The following TIE1 variants were observed in gnomAD, a reference collection of about 807,000 sequenced individuals.
TIE1 encodes the protein tyrosine kinase with immunoglobulin like and EGF like domains 1.
TIE1 carries 89 observed loss-of-function variants against 130.5 expected under a neutral mutation model. The ratio of observed to expected loss-of-function variants is 0.68; its 90% CI spans 0.57 to 0.81. The LOEUF is 0.81. Among genes scored for constraint, TIE1 ranks in the 40% least tolerant of loss-of-function variants. TIE1 has a pLI of 0.00. For synonymous variants in TIE1, 568 were observed against 629.4 expected (o/e 0.90, Z 1.46); for missense variants, 1,392 against 1,559.8 (o/e 0.89, Z 1.81).
rs1164351050 is a variant in TIE1, at chr1:43,307,162, G to GGGCCAGGCTGTACCAAGGAGT, written c.663_683dup (p.Glu227_Cys228insTrpProGlyCysThrLysGlu). The GGGCCAGGCTGTACCAAGGAGT allele has an allele frequency of 3.1e-6, 5 of 1,613,994 alleles. No homozygotes were observed. In the African/African-American group the frequency reaches 4.0e-5, roughly 13 times the overall value. On this transcript the variant is annotated inframe_insertion, in exon 5 of 23. Transcript: ENST00000372476. The surrounding 1 kb of genome is among the most constrained non-coding windows in gnomAD (Gnocchi z 5.4). The stretch of plus-strand genomic sequence containing the variant: ...TCCAGGTTGTGGGGCTGGGCGCTGG[G>GGGCCAGGCTGTACCAAGGAGT]GGCCAGGCTGTACCAAGGAGTGCCC...
chr1:43,317,225 C>G lies in TIE1; in HGVS notation c.2436C>G (p.Ser812Arg), dbSNP rs745572185. Residue 812 changes from serine (S) to arginine (R), a missense_variant, in exon 15 of 23, where the codon AGC becomes AGG. By Grantham distance (110) the Ser-to-Arg change is moderately radical (BLOSUM62 -1). Coordinates refer to ENST00000372476, the MANE Select transcript of TIE1 (RefSeq NM_005424.5). The surrounding 1 kb of genome is among the most constrained non-coding windows in gnomAD (Gnocchi z 5.1). ...GSGEETILQFSSGTLTLTRRP... is the reference protein window; with the variant it reads ...GSGEETILQFRSGTLTLTRRP... Reference sequence around the variant, plus strand: ...GCGAGGAGACCATCCTGCAGTTCAGCTCAGGGACCTTGACACTTACCCGGC... The same window carrying G: ...GCGAGGAGACCATCCTGCAGTTCAGGTCAGGGACCTTGACACTTACCCGGC... The G allele has an allele frequency of 1.2e-5, 20 of 1,614,032 alleles. No homozygotes were observed. Among genetic ancestry groups the G allele is most frequent in the Admixed American group, 3.3e-5 (2 of 60,006 alleles).
Position 43,312,434 on chromosome 1 carries a change from G to A in TIE1, c.1760G>A (p.Gly587Glu), listed in dbSNP as rs1490777491. ...GGTTTCCTGCTGCGCCTGTGGGACG[G>A]GACACGGGGGCAGGAGCGGCGGGAG... The part of the protein sequence containing the change: ...GDGFLLRLWD[G>E]TRGQERRENV... The change falls in exon 12 of 23, where the codon GGG becomes GAG. Residue 587 changes from glycine to glutamate, a missense_variant. Around this residue, in one of 6 missense-constraint regions of TIE1, gnomAD observed 551 missense variants for 565.5 expected, o/e 0.97. Coordinates refer to ENST00000372476, the MANE Select transcript of TIE1 (RefSeq NM_005424.5). The surrounding 1 kb of genome is among the most constrained non-coding windows in gnomAD (Gnocchi z 5.6). 2 of 1,611,742 alleles carry A rather than the reference G, an allele frequency of 1.2e-6. No homozygotes were observed. The highest frequency in any genetic ancestry group is 1.7e-6 in the Non-Finnish European group (2 of 1,179,562).
intron 19 of TIE1, chr1:43,320,669 A>AG (rs1646906247): frequency 6.6e-6 from 1 of 152,116 alleles, no homozygotes; most frequent in South Asian, 2.1e-4. Flanking sequence ...TGGCTGACAC[A>AG]GTGAAACCCC....
Position 43,317,247 on chromosome 1 carries a change from C to A in TIE1, c.2458C>A (p.Arg820=), listed in dbSNP as rs552143002. The change falls in exon 15 of 23, where the codon CGG becomes AGG. Residue 820 remains arginine (R), a synonymous_variant. Transcript: ENST00000372476. The surrounding 1 kb of genome is among the most constrained non-coding windows in gnomAD (Gnocchi z 5.1). ...CAGCTCAGGGACCTTGACACTTACC[C>A]GGCGGCCAAAACTGCAGCCCGAGCC... ...QFSSGTLTLT[R]RPKLQPEPLS... The A allele has an allele frequency of 1.9e-6, 3 of 1,614,144 alleles. No individual in the cohort carries two copies. The highest frequency in any genetic ancestry group is 2.7e-5 in the African/African-American group (2 of 75,020).
rs1646928807 is a variant in TIE1 at position 43,322,387 on chromosome 1, C to T, written c.3346-264C>T. On this transcript the variant is annotated intron_variant, in intron 22 of 22. Transcript: ENST00000372476. This position sits in a 1 kb window ranked among gnomAD's most constrained non-coding sequence, Gnocchi z 4.0. ...AGATAAGTTACTGAATGAATGAACGCATAAGCCAAGAATTCATTGAAAGAG... is the reference window on the plus strand; with the variant it reads ...AGATAAGTTACTGAATGAATGAACGTATAAGCCAAGAATTCATTGAAAGAG... Among the ~76,000 whole-genome samples, 1 of 152,208 alleles carries T rather than the reference C, an allele frequency of 6.6e-6. No homozygotes were observed. Among genetic ancestry groups the T allele is most frequent in the Admixed American group, 6.5e-5 (1 of 15,288 alleles).
Position 43,313,186 on chromosome 1 carries a change from T to A in TIE1, c.1979T>A (p.Ile660Asn). ...GCCCAGGCCCTCTCAGACTCCGAGA[T>A]CCAGCTGACATGGAAGCACCCGGAG... ...LHAQALSDSE[I>N]QLTWKHPEAL... Residue 660 changes from isoleucine to asparagine, a missense_variant, in exon 13 of 23, where the codon ATC becomes AAC. Physicochemically the swap from Ile to Asn is moderately radical, Grantham distance 149. Coordinates refer to ENST00000372476, the MANE Select transcript of TIE1 (RefSeq NM_005424.5). This position sits in a 1 kb window ranked among gnomAD's most constrained non-coding sequence, Gnocchi z 6.2. 6.2e-7 allele frequency: 1 copy of A among 1,613,478 alleles called. No individual in the cohort carries two copies. Among genetic ancestry groups the A allele is most frequent in the South Asian group, 1.1e-5 (1 of 91,044 alleles).
intron 14 of TIE1, 192 bp downstream of exon 14, chr1:43,314,160 G>C (rs1219394808): frequency 1.1e-5 from 9 of 786,588 alleles, no homozygotes; most frequent in Non-Finnish European, 1.6e-5. Flanking sequence ...ACTGAATTCA[G>C]CTCATGAGCC....
Position 43,312,853 on chromosome 1 carries a change from A to T in TIE1, c.1927+252A>T, listed in dbSNP as rs773465911. 6.6e-6 allele frequency among the ~76,000 whole-genome samples: 1 copy of T among 152,012 alleles called. No individual in the cohort carries two copies. The highest frequency in any genetic ancestry group is 1.5e-5 in the Non-Finnish European group (1 of 67,974). On this transcript the variant is annotated intron_variant, in intron 12 of 22. Transcript: ENST00000372476. The surrounding 1 kb of genome is among the most constrained non-coding windows in gnomAD (Gnocchi z 5.6). ...GGGGAGGTCAGGGTTCATGGCGAGA[A>T]CCAGGGTCATGGGAGGGCATGAGAC...
At chr1:43,310,641 G>T (rs1478264731) in intron 9 of TIE1, among the ~76,000 whole-genome samples, 1 of 152,120 alleles carries the variant, frequency 6.6e-6, no homozygotes, top group Admixed American at 6.5e-5. Flanking sequence ...CCATGAAGTG[G>T]GGCATCTACT....
chr1:43,315,006 C>A lies in TIE1; in HGVS notation c.2409+1038C>A, dbSNP rs565241590. Reference sequence around the variant, plus strand: ...TGCTCCTTGAAAGAGGAAGCACAAACCTCCACTCCTCCTGGCTTCCCTGTA... The same window carrying A: ...TGCTCCTTGAAAGAGGAAGCACAAAACTCCACTCCTCCTGGCTTCCCTGTA... On this transcript the variant is annotated intron_variant, in intron 14 of 22. Coordinates refer to ENST00000372476, the MANE Select transcript of TIE1 (RefSeq NM_005424.5). The surrounding 1 kb of genome is among the most constrained non-coding windows in gnomAD (Gnocchi z 4.4). Among the ~76,000 whole-genome samples, 1 of 112,514 alleles carries A rather than the reference C, an allele frequency of 8.9e-6. No homozygotes were observed. Among genetic ancestry groups the A allele is most frequent in the Admixed American group, 8.7e-5 (1 of 11,550 alleles). 73.8% of individuals were successfully genotyped at this position (112,514 alleles called of 152,430 possible). A position where few individuals can be genotyped will look rare whatever the true frequency, so the allele number is the denominator to read the frequency against.
At position 43,317,986 on chromosome 1, in the gene TIE1, G is replaced by A; in HGVS notation, c.2836G>A (p.Gly946Arg). ...ETDPAFAREH[G>R]TASTLSSRQL... ...TGACCCAGCTTTTGCTCGAGAGCATGGGACAGCCTCTACCCTTAGCTCCCG... is the reference window on the plus strand; with the variant it reads ...TGACCCAGCTTTTGCTCGAGAGCATAGGACAGCCTCTACCCTTAGCTCCCG... Residue 946 changes from glycine (G) to arginine (R), a missense_variant, in exon 17 of 23, where the codon GGG (glycine) becomes AGG (arginine). Around this residue, in one of 6 missense-constraint regions of TIE1, gnomAD observed 286 missense variants for 354.4 expected, o/e 0.81. Transcript: ENST00000372476. The surrounding 1 kb of genome is among the most constrained non-coding windows in gnomAD (Gnocchi z 5.1). The A allele has an allele frequency of 6.2e-7, 1 of 1,611,114 alleles. No homozygotes were observed. The highest frequency in any genetic ancestry group is 8.5e-7 in the Non-Finnish European group (1 of 1,178,508).
rs138756412 is a variant in TIE1 at position 43,318,172 on chromosome 1, G to T, written c.2922+100G>T. On this transcript the variant is annotated intron_variant, in intron 17 of 22. Coordinates refer to ENST00000372476, the MANE Select transcript of TIE1 (RefSeq NM_005424.5). The surrounding 1 kb of genome is among the most constrained non-coding windows in gnomAD (Gnocchi z 4.4). ...GCCCTGATTGTATCTGGGGATTGAG[G>T]TTCCTGGCCCAAGTGTGTGGGTGGG... 3.8e-4 allele frequency: 532 copies of T among 1,417,366 alleles called. 1 individual carries two copies. In the African/African-American group the frequency reaches 6.8e-3, roughly 18 times the overall value. 87.8% of individuals were successfully genotyped at this position (1,417,366 alleles called of 1,614,324 possible).
intron 1 of TIE1, among the ~76,000 whole-genome samples, chr1:43,302,084 A>C (rs1209698054): frequency 6.6e-6 from 1 of 152,080 alleles, no homozygotes; most frequent in Non-Finnish European, 1.5e-5. Context: ...GGATCTGTGG[A>C]GGGCCATTTT....
rs773424254 is a variant in TIE1 at position 43,313,480 on chromosome 1, A to G, written c.2218+55A>G. The G allele has an allele frequency of 1.3e-6, 2 of 1,584,628 alleles. No homozygotes were observed. The highest frequency in any genetic ancestry group is 1.7e-6 in the Non-Finnish European group (2 of 1,158,960). ...GGGCTCTGAGCGGGGAGAGCTCAGCACGCTCTCCTTCCACATCACCCCCTA... is the reference window on the plus strand; with the variant it reads ...GGGCTCTGAGCGGGGAGAGCTCAGCGCGCTCTCCTTCCACATCACCCCCTA... On this transcript the variant is annotated intron_variant, in intron 13 of 22. Transcript: ENST00000372476. This position sits in a 1 kb window ranked among gnomAD's most constrained non-coding sequence, Gnocchi z 6.2.
intron 19 of TIE1, chr1:43,320,857 A>AAAATAAATAAAT (rs144637658): frequency 7.1e-6 from 1 of 141,234 alleles, no homozygotes; most frequent in African/African-American, 2.6e-5. Context: ...TCTGTCTCAA[A>AAAATAAATAAAT]AAATAAATAA....
rs776717207 is a variant in TIE1, at chr1:43,312,455, G to C, written c.1781G>C (p.Arg594Pro). ...LWDGTRGQER[R>P]ENVSSPQART... is the part of the protein sequence containing the mutation. ...GACGGGACACGGGGGCAGGAGCGGC[G>C]GGAGAACGTCTCATCCCCCCAGGCC... The change falls in exon 12 of 23, where the codon CGG (arginine) becomes CCG (proline). Residue 594 changes from arginine (R) to proline (P), a missense_variant. By Grantham distance (103) the Arg-to-Pro change is moderately radical. Around this residue, in one of 6 missense-constraint regions of TIE1, gnomAD observed 551 missense variants for 565.5 expected, o/e 0.97. Coordinates refer to ENST00000372476, the MANE Select transcript of TIE1 (RefSeq NM_005424.5). This position sits in a 1 kb window ranked among gnomAD's most constrained non-coding sequence, Gnocchi z 5.6. 1.2e-6 allele frequency: 2 copies of C among 1,611,328 alleles called. No individual in the cohort carries two copies. Among genetic ancestry groups the C allele is most frequent in the Non-Finnish European group, 1.7e-6 (2 of 1,179,630 alleles).
Position 43,312,223 on chromosome 1 carries a change from C to A in TIE1, c.1631-82C>A. On this transcript the variant is annotated intron_variant, in intron 11 of 22. Transcript: ENST00000372476. This position sits in a 1 kb window ranked among gnomAD's most constrained non-coding sequence, Gnocchi z 5.6. ...CCTGCCTTTCCCACTGGAGGTTGTT[C>A]TTCCTTGTTCACTGGGGATCATTGT... 3 of 1,512,890 alleles carry A rather than the reference C, an allele frequency of 2.0e-6. No individual in the cohort carries two copies. Among genetic ancestry groups the A allele is most frequent in the South Asian group, 2.7e-5 (2 of 74,344 alleles). The allele number at this position is 1,512,890 out of a possible 1,614,324, so 93.7% of individuals were successfully genotyped here.
chr1:43,321,695 C>A lies in TIE1; in HGVS notation c.3325C>A (p.Arg1109Ser). The A allele has an allele frequency of 6.4e-7, 1 of 1,552,728 alleles. No individual in the cohort carries two copies. Among genetic ancestry groups the A allele is most frequent in the Non-Finnish European group, 8.7e-7 (1 of 1,147,506 alleles). The part of the protein sequence containing the change: ...PFAQIALQLG[R>S]MLEARKAYVN... The stretch of plus-strand genomic sequence containing the variant: ...TGCCCAGATTGCGCTACAGCTAGGC[C>A]GCATGCTGGAAGCCAGGAAGGTGAG... Residue 1109 changes from arginine (R) to serine (S), a missense_variant, in exon 22 of 23, where the codon CGC becomes AGC. By Grantham distance (110) the Arg-to-Ser change is moderately radical. Around this residue, in one of 6 missense-constraint regions of TIE1, gnomAD observed 104 missense variants for 129.3 expected, o/e 0.80. Transcript: ENST00000372476.
intron 19 of TIE1, chr1:43,320,969 G>A (rs1646911129): frequency 4.6e-6 from 2 of 432,022 alleles, no homozygotes; most frequent in South Asian, 6.6e-5. Context: ...ACCTGATCCT[G>A]GGAGGTTGAG....
Sources: gnomAD v4.1 joint callset for allele counts (sites outside exome capture counted in the v4.1 genomes callset) on GRCh38, gnomAD v4.1.1 for gene constraint, gnomAD v4.1.1 regional missense constraint, Gnocchi (gnomAD v3.1) non-coding constraint, MANE v1.5 for transcripts, NCBI Gene and HGNC (gene_info 2026-07-23, HGNC 2026-07-21) for gene names.